LYPD5: variants seen among roughly 807,000 people sequenced by gnomAD.
The protein encoded by LYPD5 is LY6/PLAUR domain containing 5, also known as ly6/PLAUR domain-containing protein 5.
A neutral mutation model predicts 19.1 loss-of-function variants in LYPD5; 21 were observed. The ratio of observed to expected loss-of-function variants is 1.10; its 90% CI spans 0.78 to 1.58. LYPD5 has a LOEUF of 1.58. Ranked by LOEUF, LYPD5 falls within the 40% of genes most tolerant of loss-of-function variation. The probability of loss-of-function intolerance (pLI) is 0.00; values close to 1 mark genes in which losing one functional copy is unlikely to be tolerated. For synonymous variants in LYPD5, 128 were observed against 142.7 expected (o/e 0.90, Z 0.74); for missense variants, 287 against 329.8 (o/e 0.87, Z 1.00).
Position 43,820,247 on chromosome 19 carries a change from A to G in LYPD5, c.-66+293T>C, listed in dbSNP as rs890275182. On this transcript the variant is annotated intron_variant, in intron 1 of 4. Transcript: ENST00000414615. ...CTGGCCATTTCATGTGCACAGATGC[A>G]CACACACCCCATTCCCTGTGTCACA... 2.0e-5 allele frequency among the ~76,000 whole-genome samples: 3 copies of G among 152,156 alleles called. No individual in the cohort carries two copies. The East Asian group carries it at 5.8e-4, about 29-fold the overall frequency.
chr19:43,814,028 T>C (rs189159095), intron 1 of LYPD5, among the ~76,000 whole-genome samples: 3 of 152,288 alleles, frequency 2.0e-5, no homozygotes, highest in Non-Finnish European at 4.4e-5. Context: ...GACACATATA[T>C]GCATGCATTT....
chr19:43,815,011 G>A (rs1403489318), intron 1 of LYPD5, among the ~76,000 whole-genome samples: 5 of 152,100 alleles, frequency 3.3e-5, no homozygotes, highest in Admixed American at 2.0e-4. Context: ...AGAACCTTAC[G>A]GGCTGTAATT....
intron 1 of LYPD5, chr19:43,820,525 T>C (rs958618055): frequency 6.6e-5 from 10 of 150,946 alleles, no homozygotes; most frequent in African/African-American, 2.4e-4. Context: ...GCCTCATTGC[T>C]TCTCCCACCC....
At chr19:43,812,199 C>A (rs185948421) in intron 1 of LYPD5, among the ~76,000 whole-genome samples, 1 of 152,214 alleles carries the variant, frequency 6.6e-6, no homozygotes, top group African/African-American at 2.4e-5. Flanking sequence ...GCTTTTCATG[C>A]CTTTGCTTAT....
intron 1 of LYPD5, chr19:43,800,065 TC>T: frequency 2.7e-6 from 1 of 374,596 alleles, no homozygotes; most frequent in Non-Finnish European, 4.9e-6. Context: ...TCCAGGACAC[TC>T]CAGGTCTCCA....
chr19:43,798,420 C>T (rs1050107419), intron 4 of LYPD5, 35 bp downstream of exon 4: 1 of 1,601,354 alleles, frequency 6.2e-7, no homozygotes, highest in Non-Finnish European at 8.5e-7. Context: ...CTCCATATCC[C>T]TTGCCCAGGC....
At chr19:43,800,631 T>G (rs957449505) in intron 1 of LYPD5, among the ~76,000 whole-genome samples, 2 of 152,040 alleles carry the variant, frequency 1.3e-5, no homozygotes, top group Non-Finnish European at 2.9e-5. Context: ...TGTTTAGAGA[T>G]ACAGGAAAAT....
At chr19:43,805,416 T>G (rs1052704527), upstream of LYPD5, among the ~76,000 whole-genome samples, 6 of 152,230 alleles carry the variant, frequency 3.9e-5, no homozygotes, top group Non-Finnish European at 8.8e-5. Flanking sequence ...TCACACATTA[T>G]CAGAATTGTG....
chr19:43,813,012 C>T (rs527717806), intron 1 of LYPD5, among the ~76,000 whole-genome samples: 2 of 152,288 alleles, frequency 1.3e-5, no homozygotes, highest in South Asian at 2.1e-4. Flanking sequence ...CTGAGCCCCA[C>T]CTCCGGAATC....
intron 1 of LYPD5, among the ~76,000 whole-genome samples, chr19:43,817,320 T>C (rs539408887): frequency 6.6e-6 from 1 of 152,244 alleles, no homozygotes; most frequent in Admixed American, 6.5e-5. Flanking sequence ...GGGTTCAAAA[T>C]GCAACAAGAA....
At chr19:43,812,335 T>TCTA (rs1555729217) in intron 1 of LYPD5, among the ~76,000 whole-genome samples, 1 of 143,274 alleles carries the variant, frequency 7.0e-6, no homozygotes, top group African/African-American at 2.7e-5. Context: ...TGGTTATTTT[T>TCTA]TCTATCTATC....
chr19:43,809,365 A>G (rs999563082), intron 1 of LYPD5, among the ~76,000 whole-genome samples: 1 of 151,358 alleles, frequency 6.6e-6, no homozygotes, highest in African/African-American at 2.4e-5. Context: ...ATTTGTGCCA[A>G]GTGAAAGGAC....
At position 43,797,689 on chromosome 19, in the gene LYPD5, G is replaced by A; in HGVS notation, c.658C>T (p.Gln220Ter). 6.2e-7 allele frequency: 1 copy of A among 1,613,840 alleles called. No homozygotes were observed. The highest frequency in any genetic ancestry group is 2.2e-5 in the East Asian group (1 of 44,868). ...GTGGCTGAAGCACTGGTGAAGGGCT[G>A]GGTCATGGATTTCCTGTTGCAGAGG... The part of the protein sequence containing the change: ...GYLCNRKSMT[Q>*]PFTSASATTP... The change falls in exon 5 of 5, where the codon CAG becomes TAG. Residue 220 changes from glutamine (Q) to a stop codon, truncating the protein, a stop_gained. Transcript: ENST00000377950. LOFTEE classifies it low-confidence loss of function (END_TRUNC).
chr19:43,806,337 A>C (rs1970270067), upstream of LYPD5, among the ~76,000 whole-genome samples: 1 of 151,566 alleles, frequency 6.6e-6, no homozygotes, highest in Non-Finnish European at 1.5e-5. Flanking sequence ...GTCTCCCATC[A>C]CCCCTAGAGG....
At chr19:43,799,259 G>A (rs1388973220) in intron 2 of LYPD5, among the ~76,000 whole-genome samples, 1 of 151,576 alleles carries the variant, frequency 6.6e-6, no homozygotes, top group Admixed American at 6.6e-5. Flanking sequence ...CTTTTGTGGG[G>A]CGGAGGACGG....
intron 1 of LYPD5, among the ~76,000 whole-genome samples, chr19:43,813,322 C>T (rs543210448): frequency 6.7e-6 from 1 of 148,416 alleles, no homozygotes; most frequent in East Asian, 1.9e-4. Context: ...GTCTCTCTCT[C>T]GCTCTCTCTC....
At chr19:43,797,886 G>C in intron 4 of LYPD5, 57 bp from the exon 5 acceptor site, 1 of 1,346,590 alleles carries the variant, frequency 7.4e-7, no homozygotes. Context: ...AGCTGCACCT[G>C]AACCTTCACC....
intron 1 of LYPD5, among the ~76,000 whole-genome samples, chr19:43,819,353 C>T (rs995796259): frequency 1.5e-5 from 2 of 137,570 alleles, no homozygotes; most frequent in African/African-American, 5.4e-5. Flanking sequence ...GGCATGATCT[C>T]AGCTCACTGC....
At chr19:43,811,573 C>G (rs1970323769) in intron 1 of LYPD5, among the ~76,000 whole-genome samples, 1 of 152,082 alleles carries the variant, frequency 6.6e-6, no homozygotes, top group Non-Finnish European at 1.5e-5. Context: ...ATAATCCCAG[C>G]TACCTGGGAG....
Sources: gnomAD v4.1 joint callset for allele counts (sites outside exome capture counted in the v4.1 genomes callset) on GRCh38, gnomAD v4.1.1 for gene constraint, MANE v1.5 for transcripts, NCBI Gene and HGNC (gene_info 2026-07-23, HGNC 2026-07-21) for gene names.